Variants in ATRNL1 observed in about 807,000 individuals in gnomAD.
ATRNL1 encodes the protein attractin like 1, also known as attractin-like protein 1.
Under a neutral mutation model 182.7 loss-of-function variants are expected in ATRNL1, and 95 were observed. That is an observed-to-expected ratio of 0.52 (90% CI 0.44 to 0.62). The LOEUF (loss-of-function observed/expected upper bound fraction) is 0.62, where lower values mean the gene tolerates loss of function less well. ATRNL1 is among the 20% of genes least tolerant of loss of function. ATRNL1 has a pLI of 0.00. For missense variants in ATRNL1, 1,471 were observed against 1,679.5 expected (o/e 0.88, Z 2.17); for synonymous variants, 576 against 568.3 (o/e 1.01, Z -0.19).
chr10:115,460,328 C>A (rs1357429070), intron 21 of ATRNL1, among the ~76,000 whole-genome samples: 1 of 152,084 alleles, frequency 6.6e-6, no homozygotes, highest in Non-Finnish European at 1.5e-5. Flanking sequence ...AATTAAGCTC[C>A]TAATTATTTC....
chr10:115,151,797 G>T (rs1846245775), intron 5 of ATRNL1, among the ~76,000 whole-genome samples: 1 of 152,186 alleles, frequency 6.6e-6, no homozygotes, highest in Non-Finnish European at 1.5e-5. Flanking sequence ...CCATGCCTGT[G>T]TCCTGAATGG....
chr10:115,256,862 A>G (rs1554907125), intron 10 of ATRNL1, among the ~76,000 whole-genome samples: 1 of 152,144 alleles, frequency 6.6e-6, no homozygotes, highest in Non-Finnish European at 1.5e-5. Context: ...GTTTCAAAGA[A>G]CATCTTTCTG....
At chr10:115,519,911 A>G (rs557059604) in intron 25 of ATRNL1, among the ~76,000 whole-genome samples, 1 of 152,202 alleles carries the variant, frequency 6.6e-6, no homozygotes, top group Non-Finnish European at 1.5e-5. Flanking sequence ...AACTGTTTTC[A>G]GGGAACATTT....
chr10:115,450,423 C>T (rs1330682098), intron 21 of ATRNL1, among the ~76,000 whole-genome samples: 3 of 152,172 alleles, frequency 2.0e-5, no homozygotes, highest in Non-Finnish European at 4.4e-5. Flanking sequence ...TTTTAAACAG[C>T]TTCAGCAAAG....
intron 28 of ATRNL1, among the ~76,000 whole-genome samples, chr10:115,908,433 G>T (rs1555115082): frequency 6.6e-6 from 1 of 151,984 alleles, no homozygotes; most frequent in Admixed American, 6.6e-5. Context: ...AAACTAGCAG[G>T]ATCTGGTTGG....
At chr10:115,223,796 G>A (rs1471885568) in intron 9 of ATRNL1, among the ~76,000 whole-genome samples, 1 of 149,182 alleles carries the variant, frequency 6.7e-6, no homozygotes, top group African/African-American at 2.5e-5. Context: ...GAAATAAAAA[G>A]TAACTTTTTG....
At chr10:115,469,026 C>A (rs893327484) in intron 23 of ATRNL1, 146 bp from the exon 24 acceptor site, 7 of 329,720 alleles carry the variant, frequency 2.1e-5, no homozygotes, top group African/African-American at 1.3e-4. Context: ...ATATTTATGG[C>A]AAACTTATTT....
intron 26 of ATRNL1, among the ~76,000 whole-genome samples, chr10:115,664,484 A>C (rs189731128): frequency 4.8e-3 from 729 of 152,286 alleles, no homozygotes; most frequent in Non-Finnish European, 8.2e-3. Flanking sequence ...ATTTGTGTTC[A>C]AGATGAGTCA....
At chr10:115,338,023 G>A (rs1473596833) in intron 19 of ATRNL1, among the ~76,000 whole-genome samples, 1 of 151,742 alleles carries the variant, frequency 6.6e-6, no homozygotes, top group Non-Finnish European at 1.5e-5. Context: ...AGATCTGACA[G>A]GAGGCAGAGC....
chr10:115,553,390 C>A (rs1853114505), intron 26 of ATRNL1, among the ~76,000 whole-genome samples: 1 of 151,172 alleles, frequency 6.6e-6, no homozygotes, highest in South Asian at 2.1e-4. Context: ...GCAATTTTTC[C>A]ATTTTTAATT....
intron 27 of ATRNL1, among the ~76,000 whole-genome samples, chr10:115,784,652 C>G (rs1304854424): frequency 2.6e-5 from 4 of 152,180 alleles, no homozygotes; most frequent in African/African-American, 9.7e-5. Context: ...TCCCATGCCT[C>G]TCTCTTAGCT....
chr10:115,633,240 T>C (rs1858636479), intron 26 of ATRNL1, among the ~76,000 whole-genome samples: 1 of 152,172 alleles, frequency 6.6e-6, no homozygotes, highest in Non-Finnish European at 1.5e-5. Flanking sequence ...GACAATCTTC[T>C]TGCCCATTAT....
chr10:115,856,432 A>AAAAAAAAAAAAAAAAC (rs1951186024), intron 28 of ATRNL1, among the ~76,000 whole-genome samples: 1 of 139,516 alleles, frequency 7.2e-6, no homozygotes, highest in Non-Finnish European at 1.6e-5. Context: ...CCATCTCAAA[A>AAAAAAAAAAAAAAAAC]AAAAAAAAAA....
At chr10:115,852,207 C>T (rs1555100697) in intron 28 of ATRNL1, among the ~76,000 whole-genome samples, 4 of 152,240 alleles carry the variant, frequency 2.6e-5, no homozygotes, top group African/African-American at 9.6e-5. Flanking sequence ...TGCCATGATC[C>T]TGCCTCATAT....
chr10:115,935,773 G>A (rs1953538981), intron 28 of ATRNL1, among the ~76,000 whole-genome samples: 1 of 152,170 alleles, frequency 6.6e-6, no homozygotes, highest in Non-Finnish European at 1.5e-5. Flanking sequence ...TCAATTATTA[G>A]TAGTATTTCC....
intron 26 of ATRNL1, among the ~76,000 whole-genome samples, chr10:115,552,641 T>C (rs1303313606): frequency 2.0e-5 from 3 of 151,406 alleles, no homozygotes; most frequent in Non-Finnish European, 3.0e-5. Context: ...AGATATACTT[T>C]TTGTGGCATA....
chr10:115,323,062 A>C (rs9971149), intron 18 of ATRNL1, among the ~76,000 whole-genome samples: 107,569 of 151,844 alleles, frequency 0.71, 38,272 homozygotes, highest in East Asian at 0.8. Flanking sequence ...GTTTTCAAAT[A>C]ATTTTTATTT....
In ATRNL1 at chr10:115,246,685, C is replaced by T. The variant is rs1379106689; in HGVS notation, c.1687+4960C>T. On this transcript the variant is annotated intron_variant, in intron 10 of 28. Transcript: ENST00000355044. ...ACGCCATTCTCCTGCCTCAGCCTCC[C>T]GAGTAGCTGGGACTACAGGCGCCCG... Among the ~76,000 whole-genome samples the T allele has an allele frequency of 6.6e-5, 8 of 120,564 alleles. 3 individuals carry two copies. The South Asian group carries it at 1.7e-3, about 26-fold the overall frequency. 79.1% of individuals were successfully genotyped at this position (120,564 alleles called of 152,430 possible).
chr10:115,583,038 C>T (rs1855236238), intron 26 of ATRNL1, among the ~76,000 whole-genome samples: 1 of 148,680 alleles, frequency 6.7e-6, no homozygotes, highest in Non-Finnish European at 1.5e-5. Flanking sequence ...TCAGGTTTGT[C>T]AAAGATCAGA....
Sources: gnomAD v4.1 joint callset for allele counts (sites outside exome capture counted in the v4.1 genomes callset) on GRCh38, gnomAD v4.1.1 for gene constraint, MANE v1.5 for transcripts, NCBI Gene and HGNC (gene_info 2026-07-23, HGNC 2026-07-21) for gene names.